FAR2: variants seen among roughly 807,000 people sequenced by gnomAD.
FAR2 encodes epididymis secretory protein Li 81.
FAR2 carries 19 observed loss-of-function variants against 56.0 expected under a neutral mutation model. The ratio of observed to expected loss-of-function variants is 0.34; its 90% CI spans 0.24 to 0.50. The LOEUF (loss-of-function observed/expected upper bound fraction) is 0.50, where lower values mean the gene tolerates loss of function less well. Ranked by LOEUF, FAR2 falls within the 20% of genes least tolerant of loss-of-function variation. The pLI is 0.98. For synonymous variants in FAR2, 219 were observed against 218.8 expected (o/e 1.00, Z -0.01); for missense variants, 508 against 642.2 (o/e 0.79, Z 2.26).
chr12:29,322,688 C>A lies in FAR2; in HGVS notation c.1257+764C>A, dbSNP rs1949572870. Reference sequence around the variant, plus strand: ...TTTTAACTAAATTTTAAGGTTTTCACTCCATATTGATTGACATTTCCCACT... The same window carrying A: ...TTTTAACTAAATTTTAAGGTTTTCAATCCATATTGATTGACATTTCCCACT... On this transcript the variant is annotated intron_variant, in intron 10 of 11. Coordinates refer to ENST00000536681, the MANE Select transcript of FAR2 (RefSeq NM_001271783.2). Among the ~76,000 whole-genome samples the A allele has an allele frequency of 2.6e-5, 4 of 152,192 alleles. No individual in the cohort carries two copies. In the South Asian group the frequency reaches 6.2e-4, roughly 24 times the overall value.
In FAR2 at chr12:29,253,263, A is replaced by ATAGATATCTATCTAGT. The variant is rs1565489391; in HGVS notation, c.-38-17138_-38-17137insCTAGTTAGATATCTAT. ...TATCTATATATCGATATCTATCTAG[A>ATAGATATCTATCTAGT]TAGATATCTATATATCGATATCTAT... On this transcript the variant is annotated intron_variant, in intron 1 of 11. Coordinates refer to ENST00000536681, the MANE Select transcript of FAR2 (RefSeq NM_001271783.2). 1.5e-3 allele frequency among the ~76,000 whole-genome samples: 43 copies of ATAGATATCTATCTAGT among 29,326 alleles called. 3 individuals are homozygous for ATAGATATCTATCTAGT. The highest frequency in any genetic ancestry group is 4.7e-3 in the African/African-American group (41 of 8,728). The allele number at this position is 29,326 out of a possible 152,430, so 19.2% of individuals were successfully genotyped here.
chr12:29,194,124 A>C (rs1161541878), intron 1 of FAR2, among the ~76,000 whole-genome samples: 1 of 152,214 alleles, frequency 6.6e-6, no homozygotes, highest in Admixed American at 6.6e-5. Context: ...CCTAATGTAG[A>C]ACTGTTCCTT....
chr12:29,156,932 A>G (rs1204848608), intron 1 of FAR2: 1 of 151,582 alleles, frequency 6.6e-6, no homozygotes, highest in Non-Finnish European at 1.5e-5. Flanking sequence ...TTTTCAGACG[A>G]GGGTGTGCTG....
intron 1 of FAR2, among the ~76,000 whole-genome samples, chr12:29,175,334 G>A (rs1171334752): frequency 6.6e-6 from 1 of 152,154 alleles, no homozygotes; most frequent in Non-Finnish European, 1.5e-5. Context: ...TCTGGAGTCT[G>A]TTCCTTCAGA....
At chr12:29,217,338 T>C (rs1347832053) in intron 1 of FAR2, among the ~76,000 whole-genome samples, 1 of 152,168 alleles carries the variant, frequency 6.6e-6, no homozygotes, top group Non-Finnish European at 1.5e-5. Context: ...CCAAGAATCT[T>C]AGCTGGCATG....
chr12:29,280,391 T>G (rs1948768674), intron 2 of FAR2: 1 of 152,220 alleles, frequency 6.6e-6, no homozygotes, highest in Non-Finnish European at 1.5e-5. Flanking sequence ...ATCATTTCAT[T>G]AGAAAGATAT....
intron 1 of FAR2, among the ~76,000 whole-genome samples, chr12:29,208,933 C>G (rs1273862123): frequency 6.6e-6 from 1 of 151,994 alleles, no homozygotes; most frequent in Non-Finnish European, 1.5e-5. Flanking sequence ...AAAATAGAAG[C>G]TAATGTGAGG....
chr12:29,305,124 T>C (rs1949235039), intron 4 of FAR2, among the ~76,000 whole-genome samples: 1 of 145,406 alleles, frequency 6.9e-6, no homozygotes, highest in Non-Finnish European at 1.5e-5. Context: ...GTTTTATTTG[T>C]TTATTTTTAT....
At chr12:29,154,085 T>A (rs568811180) in intron 1 of FAR2, among the ~76,000 whole-genome samples, 5 of 152,346 alleles carry the variant, frequency 3.3e-5, no homozygotes, top group Non-Finnish European at 4.4e-5. Flanking sequence ...TATAATTTTT[T>A]AAAAAGTTAT....
intron 3 of FAR2, among the ~76,000 whole-genome samples, chr12:29,294,859 G>C (rs1226096894): frequency 3.3e-5 from 5 of 151,932 alleles, no homozygotes; most frequent in Non-Finnish European, 2.9e-5. Flanking sequence ...AGATGTGAAA[G>C]TAAAGCAGCT....
intron 1 of FAR2, among the ~76,000 whole-genome samples, chr12:29,188,070 C>T (rs991644449): frequency 6.6e-6 from 1 of 152,128 alleles, no homozygotes; most frequent in Admixed American, 6.5e-5. Flanking sequence ...ATGCTGGCCT[C>T]ATGATGTTGA....
intron 1 of FAR2, among the ~76,000 whole-genome samples, chr12:29,218,984 G>C (rs569657722): frequency 6.6e-6 from 1 of 152,194 alleles, no homozygotes; most frequent in Non-Finnish European, 1.5e-5. Context: ...CTCTGCCTGG[G>C]ATCAAGCAAT....
At chr12:29,298,491 A>G (rs1408678426) in intron 4 of FAR2, among the ~76,000 whole-genome samples, 2 of 152,176 alleles carry the variant, frequency 1.3e-5, no homozygotes, top group South Asian at 2.1e-4. Context: ...CTGAGAATAG[A>G]TATTTTTGTC....
chr12:29,197,909 A>G (rs1950155919), intron 1 of FAR2, among the ~76,000 whole-genome samples: 1 of 152,198 alleles, frequency 6.6e-6, no homozygotes, highest in Non-Finnish European at 1.5e-5. Context: ...GACCATTTGT[A>G]TGAACCAAAA....
At chr12:29,261,945 G>T (rs1001039249) in intron 1 of FAR2, among the ~76,000 whole-genome samples, 1 of 152,178 alleles carries the variant, frequency 6.6e-6, no homozygotes, top group African/African-American at 2.4e-5. Context: ...TGAGAGAAAA[G>T]GATGTTAATG....
intron 4 of FAR2, among the ~76,000 whole-genome samples, chr12:29,303,573 G>C (rs925333297): frequency 2.0e-5 from 3 of 152,146 alleles, no homozygotes; most frequent in Non-Finnish European, 4.4e-5. Context: ...GTGAGAGGCA[G>C]GGGAATGGAG....
chr12:29,172,703 G>C (rs1451254544), intron 1 of FAR2, among the ~76,000 whole-genome samples: 1 of 152,210 alleles, frequency 6.6e-6, no homozygotes, highest in Non-Finnish European at 1.5e-5. Context: ...ATTGACCCTT[G>C]AGTGAGTCAG....
At chr12:29,180,191 G>A (rs972964463) in intron 1 of FAR2, among the ~76,000 whole-genome samples, 2 of 152,044 alleles carry the variant, frequency 1.3e-5, no homozygotes, top group African/African-American at 2.4e-5. Context: ...GCAAATTCAC[G>A]GTGGGTAAAA....
At chr12:29,291,321 T>C in intron 2 of FAR2, 1 of 451,140 alleles carries the variant, frequency 2.2e-6, no homozygotes, top group East Asian at 7.0e-5. Context: ...AAATACAATT[T>C]CCTAGGTTAC....
Sources: allele counts gnomAD v4.1 joint callset (sites outside exome capture counted in the v4.1 genomes callset), GRCh38; gene constraint gnomAD v4.1.1; transcripts MANE v1.5; gene names NCBI Gene and HGNC (gene_info 2026-07-23, HGNC 2026-07-21).